Variants in POLQ observed in about 807,000 individuals in gnomAD.
The protein encoded by POLQ is epididymis secretory sperm binding protein.
Under a neutral mutation model 259.2 loss-of-function variants are expected in POLQ, and 233 were observed. The ratio of observed to expected loss-of-function variants is 0.90; its 90% confidence interval spans 0.81 to 1.00. The LOEUF is 1.00. POLQ is among the 50% of genes least tolerant of loss of function. POLQ has a pLI of 0.00. For synonymous variants in POLQ, 1,025 were observed against 1,048.8 expected (o/e 0.98, Z 0.44); for missense variants, 2,871 against 3,051.6 (o/e 0.94, Z 1.39).
In POLQ at chr3:121,483,419, G is replaced by A; in HGVS notation, c.5937C>T (p.Gly1979=). The change falls in exon 18 of 30, where the codon GGC becomes GGT. Residue 1979 remains glycine, a synonymous_variant. Transcript: ENST00000264233. ...CTTCATAACTTTGCTCCAAGGAGAT[G>A]CCACAAGAAAGAAGAAGAATTTTAT... is the stretch of plus-strand genomic sequence containing the variant. The part of the protein sequence containing the change: ...QSYKILLLSC[G]ISLEQSYEDP... 1.3e-6 allele frequency: 2 copies of A among 1,584,076 alleles called. No homozygotes were observed. The highest frequency in any genetic ancestry group is 1.2e-5 in the South Asian group (1 of 84,044).
chr3:121,436,533 A>G, intron 27 of POLQ, among the ~76,000 whole-genome samples: 1 of 152,200 alleles, frequency 6.6e-6, no homozygotes, highest in East Asian at 1.9e-4. Context: ...TTGACTACTC[A>G]GTTAGCATCC....
In POLQ at chr3:121,493,701, T is replaced by C; in HGVS notation, c.2299A>G (p.Asn767Asp). Reference sequence around the variant, plus strand: ...TCCATGTTGTGCCAGCCCAGACGGTTGGAAAATACTGTAATCATCCCTAGA... The same window carrying C: ...TCCATGTTGTGCCAGCCCAGACGGTCGGAAAATACTGTAATCATCCCTAGA... ...VYAGMITVFS[N>D]RLGWHNMELL... Residue 767 changes from asparagine to aspartate, a missense_variant, in exon 15 of 30, where the codon AAC becomes GAC. Coordinates refer to ENST00000264233, the MANE Select transcript of POLQ (RefSeq NM_199420.4). The C allele has an allele frequency of 6.2e-7, 1 of 1,613,790 alleles. No individual in the cohort carries two copies. The highest frequency in any genetic ancestry group is 8.5e-7 in the Non-Finnish European group (1 of 1,179,680).
intron 14 of POLQ, chr3:121,494,557 GA>G (rs1239668819): frequency 3.3e-5 from 53 of 1,582,934 alleles, no homozygotes; most frequent in Non-Finnish European, 4.5e-5. Context: ...TGGAGAACAA[GA>G]AAGCTCAGCT....
At position 121,432,594 on chromosome 3, in the gene POLQ, C is replaced by G. The variant is rs1210524438; in HGVS notation, c.7660-177G>C. 3.3e-5 allele frequency among the ~76,000 whole-genome samples: 5 copies of G among 152,158 alleles called. No individual in the cohort carries two copies. In the South Asian group the frequency reaches 1.0e-3, roughly 32 times the overall value. Reference sequence around the variant, plus strand: ...TGAATAAATAAAAAGACATCTCATACTCTTCTTCACTGATGAGCAGGAATT... The same window carrying G: ...TGAATAAATAAAAAGACATCTCATAGTCTTCTTCACTGATGAGCAGGAATT... On this transcript the variant is annotated intron_variant, in intron 29 of 29. Coordinates refer to ENST00000264233, the MANE Select transcript of POLQ (RefSeq NM_199420.4).
chr3:121,470,491 G>C (rs534059606), intron 22 of POLQ, among the ~76,000 whole-genome samples: 1 of 152,140 alleles, frequency 6.6e-6, no homozygotes. Context: ...GGTAACAGCA[G>C]CAACTGATAG....
chr3:121,542,936 G>A (rs1391961033), intron 2 of POLQ, among the ~76,000 whole-genome samples: 1 of 151,974 alleles, frequency 6.6e-6, no homozygotes, highest in Admixed American at 6.6e-5. Flanking sequence ...GCAGTGAGCT[G>A]AGATTGTGCC....
chr3:121,534,862 T>G (rs1006826530), intron 5 of POLQ, among the ~76,000 whole-genome samples: 1 of 152,230 alleles, frequency 6.6e-6, no homozygotes, highest in African/African-American at 2.4e-5. Flanking sequence ...CATGTAGACA[T>G]GTCCTAGTTA....
intron 1 of POLQ, among the ~76,000 whole-genome samples, chr3:121,545,348 G>A (rs368819751): frequency 2.6e-5 from 4 of 152,258 alleles, no homozygotes; most frequent in African/African-American, 9.6e-5. Context: ...GCCTTCCCCT[G>A]GACGCCGAAC....
rs778236363 is a variant in POLQ at position 121,511,924 on chromosome 3, TCTC to T, written c.1571_1573del (p.Gly524del). 2.0e-5 allele frequency: 32 copies of T among 1,613,870 alleles called. No homozygotes were observed. The Admixed American group carries it at 4.7e-4, about 24-fold the overall frequency. ...TCGTATCATGCTGCCAGTTACTTCT[TCTC>T]CTTCTCGTCTTTGCAGACAGCTGCG... On this transcript the variant is annotated inframe_deletion, in exon 10 of 30. Transcript: ENST00000264233.
intron 12 of POLQ, among the ~76,000 whole-genome samples, chr3:121,503,572 G>A (rs1183093944): frequency 1.3e-5 from 2 of 152,146 alleles, no homozygotes; most frequent in Admixed American, 6.5e-5. Flanking sequence ...TTAGACCTAA[G>A]AGACATCTAT....
intron 6 of POLQ, 120 bp downstream of exon 6, chr3:121,532,870 T>C (rs2048421335): frequency 5.9e-6 from 4 of 677,720 alleles, no homozygotes; most frequent in Non-Finnish European, 1.0e-5. Context: ...GTTAGCTTAA[T>C]ATTAATCCTA....
At chr3:121,485,952 C>T (rs147646753) in intron 16 of POLQ, among the ~76,000 whole-genome samples, 1 of 152,318 alleles carries the variant, frequency 6.6e-6, no homozygotes, top group Non-Finnish European at 1.5e-5. Flanking sequence ...TAATCAAACA[C>T]CTGATTTCCA....
Position 121,539,605 on chromosome 3 carries a change from AG to A in POLQ, c.475-17del. The A allele has an allele frequency of 6.2e-7, 1 of 1,607,308 alleles. No homozygotes were observed. Among genetic ancestry groups the A allele is most frequent in the Non-Finnish European group, 8.5e-7 (1 of 1,174,630 alleles). ...GAAACAGACTCTGAATTGAGTAAAA[AG>A]GAACAATACAGGTGAAAAAACTTGA... is the stretch of plus-strand genomic sequence containing the variant. On this transcript the variant is annotated splice_polypyrimidine_tract_variant and intron_variant, in intron 3 of 29. Coordinates refer to ENST00000264233, the MANE Select transcript of POLQ (RefSeq NM_199420.4).
chr3:121,481,487 G>T, intron 19 of POLQ, 85 bp downstream of exon 19: 1 of 1,198,372 alleles, frequency 8.3e-7, no homozygotes, highest in Non-Finnish European at 1.2e-6. Flanking sequence ...TTGCATAAAT[G>T]TGTAATTTAC....
intron 9 of POLQ, among the ~76,000 whole-genome samples, chr3:121,518,166 G>A (rs775958167): frequency 1.3e-5 from 2 of 152,246 alleles, no homozygotes; most frequent in Non-Finnish European, 2.9e-5. Context: ...CTTATTTAAT[G>A]TATATAGTTG....
intron 19 of POLQ, among the ~76,000 whole-genome samples, chr3:121,477,504 A>G (rs1042153838): frequency 3.3e-5 from 5 of 152,222 alleles, no homozygotes; most frequent in African/African-American, 1.2e-4. Flanking sequence ...TTCTGGTCCC[A>G]CATTTTGGAT....
intron 7 of POLQ, among the ~76,000 whole-genome samples, chr3:121,529,295 G>C (rs2048394352): frequency 6.6e-6 from 1 of 152,118 alleles, no homozygotes; most frequent in African/African-American, 2.4e-5. Context: ...AGAAAGATAT[G>C]GTTACTTTCC....
intron 5 of POLQ, among the ~76,000 whole-genome samples, chr3:121,536,531 TAC>T (rs2048452891): frequency 2.6e-5 from 4 of 152,096 alleles, no homozygotes; most frequent in Non-Finnish European, 5.9e-5. Flanking sequence ...AGATGACAAA[TAC>T]AGAAACTAGA....
intron 14 of POLQ, among the ~76,000 whole-genome samples, chr3:121,495,810 C>A (rs11925613): frequency 1.5e-5 from 2 of 137,388 alleles, no homozygotes; most frequent in South Asian, 4.7e-4. Flanking sequence ...GATGGCGCCA[C>A]TGCACTCCAG....
Sources: gnomAD v4.1 joint callset for allele counts (sites outside exome capture counted in the v4.1 genomes callset) on GRCh38, gnomAD v4.1.1 for gene constraint, MANE v1.5 for transcripts, NCBI Gene and HGNC (gene_info 2026-07-23, HGNC 2026-07-21) for gene names.